ASTN2: variants seen among roughly 807,000 people sequenced by gnomAD.
The protein encoded by ASTN2 is astrotactin-2.
Under a neutral mutation model 139.8 loss-of-function variants are expected in ASTN2, and 54 were observed. That is an observed-to-expected ratio of 0.39 (90% confidence interval 0.31 to 0.48). The LOEUF (loss-of-function observed/expected upper bound fraction) is 0.48. Among genes scored for constraint, ASTN2 ranks in the 20% least tolerant of loss-of-function variants. The pLI, the probability that ASTN2 is intolerant of heterozygous loss-of-function variation, is 0.95. For missense variants in ASTN2, 1,565 were observed against 1,725.1 expected, an observed-to-expected ratio of 0.91 and a Z score of 1.64; for synonymous variants, 756 against 719.5, an observed-to-expected ratio of 1.05 and a Z score of -0.81.
intron 13 of ASTN2, among the ~76,000 whole-genome samples, chr9:116,749,861 A>G (rs796903424): frequency 1.3e-4 from 20 of 152,230 alleles, no homozygotes; most frequent in African/African-American, 4.8e-4. Context: ...TCTCACTCTC[A>G]TTATGTGATA....
intron 10 of ASTN2, among the ~76,000 whole-genome samples, chr9:116,906,683 G>T (rs111658224): frequency 0.03 from 2,947 of 99,708 alleles, 92 homozygotes; most frequent in African/African-American, 0.087. Flanking sequence ...TTGTTTTTTG[G>T]TTTGTTTGTT....
chr9:116,653,666 G>A (rs992214778), intron 16 of ASTN2, among the ~76,000 whole-genome samples: 1 of 152,200 alleles, frequency 6.6e-6, no homozygotes, highest in Admixed American at 6.5e-5. Flanking sequence ...TGATGTCGGG[G>A]AGAAAAAGGA....
chr9:117,052,415 C>T (rs1361656648), intron 5 of ASTN2, among the ~76,000 whole-genome samples: 11 of 123,928 alleles, frequency 8.9e-5, no homozygotes, highest in Admixed American at 3.1e-4. Flanking sequence ...CCAGCCTGGG[C>T]GAGAGAGAGA....
intron 19 of ASTN2, among the ~76,000 whole-genome samples, chr9:116,556,551 T>C (rs1053220387): frequency 6.6e-6 from 1 of 152,230 alleles, no homozygotes; most frequent in Non-Finnish European, 1.5e-5. Flanking sequence ...GTTTTTATTT[T>C]GTTTCATACA....
At chr9:117,182,362 A>T (rs1221856768) in intron 3 of ASTN2, among the ~76,000 whole-genome samples, 1 of 152,036 alleles carries the variant, frequency 6.6e-6, no homozygotes, top group African/African-American at 2.4e-5. Context: ...TACCCCACAG[A>T]TGCACACATG....
At chr9:116,456,085 T>C (rs1848324511) in intron 20 of ASTN2, among the ~76,000 whole-genome samples, 1 of 152,028 alleles carries the variant, frequency 6.6e-6, no homozygotes, top group Non-Finnish European at 1.5e-5. Context: ...TTATCCTTAT[T>C]TGCAGATGAT....
At chr9:117,375,454 A>G (rs892340093) in intron 1 of ASTN2, among the ~76,000 whole-genome samples, 1 of 152,240 alleles carries the variant, frequency 6.6e-6, no homozygotes, top group Admixed American at 6.5e-5. Flanking sequence ...TCACAGTCGT[A>G]GGTCAAGGAA....
intron 13 of ASTN2, among the ~76,000 whole-genome samples, chr9:116,737,096 G>A (rs867021609): frequency 2.0e-5 from 3 of 152,228 alleles, no homozygotes; most frequent in South Asian, 4.1e-4. Context: ...AGCCAATATG[G>A]AAGACTGGGA....
rs1040087997 is a variant in ASTN2 at position 116,881,376 on chromosome 9, C to T, written c.1890-17643G>A. On this transcript the variant is annotated intron_variant, in intron 10 of 22. Coordinates refer to ENST00000313400, the MANE Select transcript of ASTN2 (RefSeq NM_001365068.1). ...TGCAACTGCCTCTGACTCTGAAGTC[C>T]ATATTCTTCTCCCAGAATGCCACTT... 6.3e-4 allele frequency among the ~76,000 whole-genome samples: 96 copies of T among 152,306 alleles called. 1 individual carries two copies. Among genetic ancestry groups the T allele is most frequent in the East Asian group, 3.9e-4 (2 of 5,178 alleles).
intron 19 of ASTN2, among the ~76,000 whole-genome samples, chr9:116,526,457 C>T (rs887064833): frequency 6.6e-6 from 1 of 151,714 alleles, no homozygotes; most frequent in Non-Finnish European, 1.5e-5. Context: ...ACTAAAAATA[C>T]AAGAACAACA....
chr9:116,434,304 A>G (rs1167839980), intron 22 of ASTN2, among the ~76,000 whole-genome samples: 3 of 152,236 alleles, frequency 2.0e-5, no homozygotes, highest in African/African-American at 7.2e-5. Flanking sequence ...ATATGACCCT[A>G]GAAGCCTAAG....
At chr9:117,371,930 G>T (rs1009070566) in intron 1 of ASTN2, among the ~76,000 whole-genome samples, 1 of 152,040 alleles carries the variant, frequency 6.6e-6, no homozygotes, top group Non-Finnish European at 1.5e-5. Context: ...AGGGCTCTTC[G>T]TCTGCCTTGC....
intron 11 of ASTN2, among the ~76,000 whole-genome samples, chr9:116,839,919 C>T (rs1360189821): frequency 2.2e-5 from 3 of 137,316 alleles, no homozygotes; most frequent in African/African-American, 8.2e-5. Context: ...GGGTGTTTCT[C>T]GCAGAGGGGG....
At chr9:116,480,574 C>T (rs770550312) in intron 20 of ASTN2, among the ~76,000 whole-genome samples, 21 of 152,168 alleles carry the variant, frequency 1.4e-4, no homozygotes, top group Non-Finnish European at 2.6e-4. Context: ...AAACAAGTAA[C>T]AGAGACTAAA....
chr9:116,694,390 T>C (rs914271446), intron 16 of ASTN2, among the ~76,000 whole-genome samples: 1 of 151,480 alleles, frequency 6.6e-6, no homozygotes, highest in African/African-American at 2.4e-5. Context: ...TCCCAGATGA[T>C]AGAAGAGAGA....
intron 20 of ASTN2, among the ~76,000 whole-genome samples, chr9:116,448,046 G>A (rs369990734): frequency 6.6e-6 from 1 of 152,182 alleles, no homozygotes; most frequent in Non-Finnish European, 1.5e-5. Flanking sequence ...AGAGGCCCAC[G>A]TCAGGCCTGG....
intron 1 of ASTN2, among the ~76,000 whole-genome samples, chr9:117,367,064 T>C (rs544180658): frequency 7.2e-5 from 11 of 152,294 alleles, no homozygotes; most frequent in African/African-American, 2.4e-4. Context: ...TGAGCCACCG[T>C]ACCTGGCCAT....
intron 3 of ASTN2, among the ~76,000 whole-genome samples, chr9:117,142,889 T>G (rs1830107121): frequency 6.6e-6 from 1 of 152,130 alleles, no homozygotes; most frequent in Non-Finnish European, 1.5e-5. Flanking sequence ...GCTGGGAAAT[T>G]TCTTCTTCAG....
rs536233885 is a variant in ASTN2, at chr9:116,752,568, T to A, written c.2397-19045A>T. Among the ~76,000 whole-genome samples, 6 of 152,342 alleles carry A rather than the reference T, an allele frequency of 3.9e-5. 1 individual carries two copies. In the South Asian group the frequency reaches 1.2e-3, roughly 32 times the overall value. ...ATGAAAACTGCTGCTCTGTGAAAGA[T>A]ACTGTTAAGAGAATGAAAAGACACG... On this transcript the variant is annotated intron_variant, in intron 13 of 22. Coordinates refer to ENST00000313400, the MANE Select transcript of ASTN2 (RefSeq NM_001365068.1).
Sources: gnomAD v4.1 joint callset for allele counts (sites outside exome capture counted in the v4.1 genomes callset) on GRCh38, gnomAD v4.1.1 for gene constraint, MANE v1.5 for transcripts, NCBI Gene and HGNC (gene_info 2026-07-23, HGNC 2026-07-21) for gene names.